PARD3: variants seen among roughly 807,000 people sequenced by gnomAD.
PARD3 encodes partitioning defective 3 homolog.
A neutral mutation model predicts 155.4 loss-of-function variants in PARD3; 75 were observed. The ratio of observed to expected loss-of-function variants is 0.48; its 90% confidence interval spans 0.40 to 0.58. The LOEUF is 0.58. Among genes scored for constraint, PARD3 ranks in the 20% least tolerant of loss-of-function variants. The probability of loss-of-function intolerance (pLI) is 0.00; values close to 1 mark genes in which losing one functional copy is unlikely to be tolerated. For missense variants in PARD3, 1,642 were observed against 1,721.7 expected (o/e 0.95, Z 0.82); for synonymous variants, 576 against 610.5 (o/e 0.94, Z 0.83).
chr10:34,345,121 G>T (rs1837270476), intron 15 of PARD3: 2 of 984,622 alleles, frequency 2.0e-6, no homozygotes, highest in South Asian at 4.7e-5. Flanking sequence ...CCCAGAGAGG[G>T]CTATTTTTAG....
intron 1 of PARD3, among the ~76,000 whole-genome samples, chr10:34,770,094 C>T (rs1336567058): frequency 1.3e-5 from 2 of 152,166 alleles, no homozygotes; most frequent in Non-Finnish European, 2.9e-5. Context: ...CCGGGACAGT[C>T]ATTTCCTAGC....
chr10:34,558,301 G>A (rs2085179459), intron 2 of PARD3, among the ~76,000 whole-genome samples: 1 of 152,154 alleles, frequency 6.6e-6, no homozygotes, highest in South Asian at 2.1e-4. Context: ...AAAGTTTTCA[G>A]TAGCTACAGT....
At chr10:34,580,801 C>T (rs1034746141) in intron 2 of PARD3, among the ~76,000 whole-genome samples, 4 of 152,112 alleles carry the variant, frequency 2.6e-5, no homozygotes, top group South Asian at 2.1e-4. Flanking sequence ...AGAGACACAA[C>T]GTATTATTCA....
intron 16 of PARD3, among the ~76,000 whole-genome samples, chr10:34,339,896 G>A (rs1836616461): frequency 6.6e-6 from 1 of 152,134 alleles, no homozygotes; most frequent in South Asian, 2.1e-4. Flanking sequence ...AATGACAGCT[G>A]ATTCTTTAAA....
At chr10:34,703,462 A>G (rs1255053581) in intron 1 of PARD3, among the ~76,000 whole-genome samples, 39 of 28,294 alleles carry the variant, frequency 1.4e-3, no homozygotes, top group African/African-American at 2.6e-3. Flanking sequence ...GGAAGTTGGA[A>G]AAAAAAAAAA....
chr10:34,321,845 T>G (rs1296456557), intron 19 of PARD3, among the ~76,000 whole-genome samples: 2 of 152,160 alleles, frequency 1.3e-5, no homozygotes, highest in Non-Finnish European at 2.9e-5. Flanking sequence ...ACTTTGGGTT[T>G]TCATTGAAGT....
At chr10:34,464,213 G>C (rs997035632) in intron 4 of PARD3, among the ~76,000 whole-genome samples, 1 of 151,996 alleles carries the variant, frequency 6.6e-6, no homozygotes, top group Non-Finnish European at 1.5e-5. Flanking sequence ...CTGTTGGTGT[G>C]AGTAATGCCT....
intron 1 of PARD3, among the ~76,000 whole-genome samples, chr10:34,699,740 T>C (rs1158272359): frequency 6.6e-6 from 1 of 152,140 alleles, no homozygotes. Flanking sequence ...CAAGGCATAG[T>C]GACCCACACC....
chr10:34,307,018 C>T (rs1957447033), intron 20 of PARD3, among the ~76,000 whole-genome samples: 1 of 151,362 alleles, frequency 6.6e-6, no homozygotes, highest in Admixed American at 6.6e-5. Flanking sequence ...TCCCAAGTAG[C>T]TGGGACTACA....
chr10:34,331,271 T>C lies in PARD3; in HGVS notation c.2679A>G (p.Ala893=). The C allele has an allele frequency of 1.2e-6, 2 of 1,613,980 alleles. No individual in the cohort carries two copies. The highest frequency in any genetic ancestry group is 8.5e-7 in the Non-Finnish European group (1 of 1,179,932). Reference sequence around the variant, plus strand: ...CCCCATTCAAAGTCACCTCGGCAACTGCGGTCTGCAGACTCTCCAACGAGC... The same window carrying C: ...CCCCATTCAAAGTCACCTCGGCAACCGCGGTCTGCAGACTCTCCAACGAGC... ...KSSSLESLQT[A]VAEVTLNGDI... is the part of the protein sequence containing the mutation. The change falls in exon 19 of 25, where the codon GCA becomes GCG. Residue 893 remains alanine, a synonymous_variant. Coordinates refer to ENST00000374788, the MANE Select transcript of PARD3 (RefSeq NM_001184785.2).
chr10:34,378,770 T>A (rs1841517374), intron 9 of PARD3, among the ~76,000 whole-genome samples: 2 of 152,200 alleles, frequency 1.3e-5, no homozygotes, highest in African/African-American at 4.8e-5. Context: ...CCATCTCAGA[T>A]CATGGCTACC....
chr10:34,389,293 C>T (rs957009129), intron 7 of PARD3, among the ~76,000 whole-genome samples: 9 of 133,054 alleles, frequency 6.8e-5, no homozygotes, highest in African/African-American at 2.7e-4. Flanking sequence ...TAGCACAAAG[C>T]GAGCCATTGA....
chr10:34,482,527 G>A (rs1274940137), intron 3 of PARD3, among the ~76,000 whole-genome samples: 1 of 152,048 alleles, frequency 6.6e-6, no homozygotes, highest in Non-Finnish European at 1.5e-5. Flanking sequence ...CCAGCGACTG[G>A]CTCAGGACAG....
chr10:34,136,258 C>T (rs536241302), intron 22 of PARD3, among the ~76,000 whole-genome samples: 46 of 152,312 alleles, frequency 3.0e-4, no homozygotes, highest in African/African-American at 1.1e-3. Flanking sequence ...CCTAAACTGT[C>T]CCCTCCTTCC....
chr10:34,261,081 T>G (rs188882344), intron 22 of PARD3, among the ~76,000 whole-genome samples: 1 of 152,318 alleles, frequency 6.6e-6, no homozygotes, highest in Admixed American at 6.5e-5. Flanking sequence ...TACTATTTTC[T>G]TGCTATTTAG....
intron 2 of PARD3, among the ~76,000 whole-genome samples, chr10:34,606,156 A>C (rs1365960648): frequency 7.9e-6 from 1 of 126,500 alleles, no homozygotes; most frequent in Admixed American, 8.7e-5. Flanking sequence ...ATAAAGGGAA[A>C]TGTGTGTGTG....
rs374411291 is a variant in PARD3 at position 34,596,224 on chromosome 10, T to G, written c.223-79065A>C. Among the ~76,000 whole-genome samples the G allele has an allele frequency of 3.4e-4, 50 of 145,056 alleles. 1 individual carries two copies. The East Asian group carries it at 8.9e-3, about 26-fold the overall frequency. ...AAGTTTGTAAGCAATATCCATCAAATCCAAATTTTTACTTTTTTTTTTTTA... is the reference window on the plus strand; with the variant it reads ...AAGTTTGTAAGCAATATCCATCAAAGCCAAATTTTTACTTTTTTTTTTTTA... On this transcript the variant is annotated intron_variant, in intron 2 of 24. Transcript: ENST00000374788.
intron 1 of PARD3, among the ~76,000 whole-genome samples, chr10:34,735,287 T>C (rs970644927): frequency 1.3e-5 from 2 of 152,192 alleles, no homozygotes; most frequent in East Asian, 1.9e-4. Flanking sequence ...AATAAAGCTG[T>C]AGAGATGCTA....
At chr10:34,573,839 T>C (rs1006954660) in intron 2 of PARD3, among the ~76,000 whole-genome samples, 3 of 151,650 alleles carry the variant, frequency 2.0e-5, no homozygotes, top group Non-Finnish European at 2.9e-5. Flanking sequence ...ACACTCTTCA[T>C]ACAATGCCAC....
Sources: gnomAD v4.1 joint callset for allele counts (sites outside exome capture counted in the v4.1 genomes callset) on GRCh38, gnomAD v4.1.1 for gene constraint, MANE v1.5 for transcripts, NCBI Gene and HGNC (gene_info 2026-07-23, HGNC 2026-07-21) for gene names.